CNPPD1: variants seen among roughly 807,000 people sequenced by gnomAD.
The protein encoded by CNPPD1 is protein CNPPD1.
A neutral mutation model predicts 43.7 loss-of-function variants in CNPPD1; 40 were observed. That is an observed-to-expected ratio of 0.92 (90% CI 0.71 to 1.19). CNPPD1 has a LOEUF of 1.19. CNPPD1 is among the 50% of genes most tolerant of loss of function. CNPPD1 has a pLI of 0.00. For synonymous variants in CNPPD1, 208 were observed against 214.3 expected (o/e 0.97, Z 0.26); for missense variants, 511 against 518.5 (o/e 0.99, Z 0.14).
rs1253843910 is a variant in CNPPD1 at position 219,176,862 on chromosome 2, G to T, written c.-34C>A. 21 of 1,539,354 alleles carry T rather than the reference G, an allele frequency of 1.4e-5. No homozygotes were observed. Among genetic ancestry groups the T allele is most frequent in the Non-Finnish European group, 1.8e-5 (21 of 1,136,590 alleles). On this transcript the variant is annotated 5_prime_UTR_variant, in exon 1 of 8. Coordinates refer to ENST00000360507, the MANE Select transcript of CNPPD1 (RefSeq NM_015680.6). ...CAGTCGCCGCCCTGCGAAGGTGAAC[G>T]GAAGGAAACGAGTTGTAGGGGGCTC...
Position 219,175,591 on chromosome 2 carries a change from C to A in CNPPD1, c.260G>T (p.Arg87Leu), listed in dbSNP as rs767979514. The part of the protein sequence containing the change: ...LQKKYVAHVS[R>L]EACISPCAMM... Reference sequence around the variant, plus strand: ...ATCCTATCCTCATTTCCAGGCTCACCGGGACACATGAGCTACATATTTCTT... The same window carrying A: ...ATCCTATCCTCATTTCCAGGCTCACAGGGACACATGAGCTACATATTTCTT... Residue 87 changes from arginine to leucine, a missense_variant and splice_region_variant, in exon 3 of 8, where the codon CGG becomes CTG. Physicochemically the swap from Arg to Leu is moderately radical, Grantham distance 102. Coordinates refer to ENST00000360507, the MANE Select transcript of CNPPD1 (RefSeq NM_015680.6). The A allele has an allele frequency of 2.5e-6, 4 of 1,612,978 alleles. No individual in the cohort carries two copies. The highest frequency in any genetic ancestry group is 3.4e-6 in the Non-Finnish European group (4 of 1,179,060).
At position 219,172,433 on chromosome 2, in the gene CNPPD1, A is replaced by C; in HGVS notation, c.*153T>G. 2.5e-6 allele frequency: 2 copies of C among 788,374 alleles called. No individual in the cohort carries two copies. The highest frequency in any genetic ancestry group is 4.2e-6 in the Non-Finnish European group (2 of 475,040). 48.8% of individuals were successfully genotyped at this position (788,374 alleles called of 1,614,324 possible). A position where few individuals can be genotyped will look rare whatever the true frequency, so the allele number is the denominator to read the frequency against. ...TGCGATCTAGGAGTGAATTACCTTCAGTCCTTCTGCCCCACCACCCCATAA... is the reference window on the plus strand; with the variant it reads ...TGCGATCTAGGAGTGAATTACCTTCCGTCCTTCTGCCCCACCACCCCATAA... On this transcript the variant is annotated 3_prime_UTR_variant, in exon 8 of 8. Coordinates refer to ENST00000360507, the MANE Select transcript of CNPPD1 (RefSeq NM_015680.6).
rs1049788378 is a variant in CNPPD1, at chr2:219,175,536, T to C, written c.260+55A>G. On this transcript the variant is annotated intron_variant, in intron 3 of 7. Transcript: ENST00000360507. ...AAGAAAGAAAAGAAAGAAAAGACGA[T>C]TCCCCTTTCTCTAGGGCCCAAACAC... The C allele has an allele frequency of 7.2e-6, 10 of 1,383,634 alleles. No individual in the cohort carries two copies. The East Asian group carries it at 1.8e-4, about 25-fold the overall frequency. 85.7% of individuals were successfully genotyped at this position (1,383,634 alleles called of 1,614,324 possible). A position where few individuals can be genotyped will look rare whatever the true frequency, so the allele number is the denominator to read the frequency against.
intron 1 of CNPPD1, 74 bp from the exon 2 acceptor site, chr2:219,176,405 A>G: frequency 8.5e-7 from 1 of 1,177,658 alleles, no homozygotes; most frequent in Non-Finnish European, 1.2e-6. Context: ...CTGGGCTGGA[A>G]GGCGGGGCAG....
chr2:219,176,367 A>C (rs1305916398), intron 1 of CNPPD1, 36 bp from the exon 2 acceptor site: 2 of 1,485,510 alleles, frequency 1.3e-6, no homozygotes, highest in East Asian at 2.3e-5. Context: ...GGTGAAGGGC[A>C]CGGAAAGGTA....
intron 7 of CNPPD1, 103 bp downstream of exon 7, chr2:219,173,247 T>C: frequency 7.0e-7 from 1 of 1,420,944 alleles, no homozygotes; most frequent in Non-Finnish European, 9.7e-7. Flanking sequence ...TCTGCCCATC[T>C]ATTCCCAACC....
Position 219,176,243 on chromosome 2 carries a change from T to G in CNPPD1, c.158A>C (p.Glu53Ala). Residue 53 changes from glutamate (E) to alanine (A), a missense_variant, in exon 2 of 8, where the codon GAG becomes GCG. Physicochemically the swap from Glu to Ala is moderately radical, Grantham distance 107. Transcript: ENST00000360507. ...WDWEADCSLE[E>A]LSSPVADIAV... ...CTAACCTGCCACCGGGCTGGAGAGC[T>G]CCTCCAGGCTACAGTCGGCTTCCCA... 1 of 1,613,400 alleles carries G rather than the reference T, an allele frequency of 6.2e-7. No homozygotes were observed. Among genetic ancestry groups the G allele is most frequent in the Non-Finnish European group, 8.5e-7 (1 of 1,179,394 alleles).
chr2:219,176,452 T>G, intron 1 of CNPPD1, 121 bp from the exon 2 acceptor site: 1 of 752,362 alleles, frequency 1.3e-6, no homozygotes, highest in East Asian at 2.7e-5. Context: ...GGCCCGTGCC[T>G]TACCCAGACC....
rs1291662276 is a variant in CNPPD1 at position 219,173,048 on chromosome 2, C to T, written c.771G>A (p.Leu257=). 2 of 1,612,140 alleles carry T rather than the reference C, an allele frequency of 1.2e-6. No individual in the cohort carries two copies. The highest frequency in any genetic ancestry group is 1.1e-5 in the South Asian group (1 of 91,080). ...VASVAVIHQS[L]GLSCIPTPGP... ...CAGGTGTAGGGATGCAGGACAGCCC[C>T]AAAGACTGATGTATTACGGCCACCG... The change falls in exon 8 of 8, where the codon TTG becomes TTA. Residue 257 remains leucine, a synonymous_variant. Transcript: ENST00000360507.
In CNPPD1 at chr2:219,174,834, C is replaced by G. The variant is rs1410166010; in HGVS notation, c.454G>C (p.Gly152Arg). Residue 152 changes from glycine (G) to arginine (R), a missense_variant, in exon 5 of 8, where the codon GGG (glycine) becomes CGG (arginine). Coordinates refer to ENST00000360507, the MANE Select transcript of CNPPD1 (RefSeq NM_015680.6). Reference sequence around the variant, plus strand: ...TTGAGAGTGGGCACGGCCACACCCCCAGCAGCTCCCCATTCGTCGTTGAAG... The same window carrying G: ...TTGAGAGTGGGCACGGCCACACCCCGAGCAGCTCCCCATTCGTCGTTGAAG... Reference protein sequence around the residue: ...EVFNDEWGAAGGVAVPTLNAL... With the variant: ...EVFNDEWGAARGVAVPTLNAL... The G allele has an allele frequency of 3.1e-6, 5 of 1,613,936 alleles. No homozygotes were observed. The highest frequency in any genetic ancestry group is 4.2e-6 in the Non-Finnish European group (5 of 1,179,938).
chr2:219,173,246 C>T, intron 7 of CNPPD1, 104 bp downstream of exon 7: 1 of 1,417,844 alleles, frequency 7.1e-7, no homozygotes, highest in Non-Finnish European at 9.7e-7. Flanking sequence ...CTCTGCCCAT[C>T]TATTCCCAAC....
upstream of CNPPD1, chr2:219,177,313 T>TCTGC (rs35842815): frequency 1.4e-4 from 1 of 7,126 alleles, no homozygotes; most frequent in Admixed American, 7.0e-3. Flanking sequence ...CCCAGGCGCC[T>TCTGC]CTGAGAAATG....
rs200413221 is a variant in CNPPD1, at chr2:219,172,252, AC to A, written c.*333del. 0.012 allele frequency: 4,619 copies of A among 369,718 alleles called. 113 individuals are homozygous for A. The highest frequency in any genetic ancestry group is 0.047 in the South Asian group (1,800 of 38,108). 22.9% of individuals were successfully genotyped at this position (369,718 alleles called of 1,614,324 possible). A position where few individuals can be genotyped will look rare whatever the true frequency, so the allele number is the denominator to read the frequency against. On this transcript the variant is annotated 3_prime_UTR_variant, in exon 8 of 8. Transcript: ENST00000360507. ...TCTCACCCCACTTCCCTTATCTCCC[AC>A]CTATACTCTTCCATCCTAGGGAAAT...
At chr2:219,177,789 C>T (rs537129409), upstream of CNPPD1, 1 of 152,320 alleles carries the variant, frequency 6.6e-6, no homozygotes, top group East Asian at 1.9e-4. Flanking sequence ...AGGAAAGAAA[C>T]AACTTTTCTG....
rs767246793 is a variant in CNPPD1, at chr2:219,172,692, G to A, written c.1127C>T (p.Pro376Leu). 2.5e-6 allele frequency: 4 copies of A among 1,613,896 alleles called. No individual in the cohort carries two copies. The African/African-American group carries it at 4.0e-5, about 16-fold the overall frequency. Residue 376 changes from proline (P) to leucine (L), a missense_variant, in exon 8 of 8, where the codon CCC becomes CTC. Coordinates refer to ENST00000360507, the MANE Select transcript of CNPPD1 (RefSeq NM_015680.6). Reference protein sequence around the residue: ...PWYHTYGLAPPWPWSPVLLSL... With the variant: ...PWYHTYGLAPLWPWSPVLLSL... Reference sequence around the variant, plus strand: ...AAGGAGCACCGGGCTCCAAGGCCAGGGGGGAGCCAGGCCATAGGTATGGTA... The same window carrying A: ...AAGGAGCACCGGGCTCCAAGGCCAGAGGGGAGCCAGGCCATAGGTATGGTA...
Position 219,176,787 on chromosome 2 carries a change from G to GA in CNPPD1, c.41dup (p.Ser15LeufsTer36). 6.3e-7 allele frequency: 1 copy of GA among 1,585,522 alleles called. No individual in the cohort carries two copies. The highest frequency in any genetic ancestry group is 8.6e-7 in the Non-Finnish European group (1 of 1,166,604). ...TGAAGTCCTGGAAGCCGGCGAGGGA[G>GA]AAGGTGCCTTCTTCGTCCAGCAGGA... On this transcript the variant is annotated frameshift_variant, in exon 1 of 8. Transcript: ENST00000360507. LOFTEE classifies it high-confidence loss of function.
chr2:219,173,540 C>G (rs944633525), intron 6 of CNPPD1, 73 bp from the exon 7 acceptor site: 12 of 1,262,432 alleles, frequency 9.5e-6, no homozygotes. Flanking sequence ...TCATACCACT[C>G]AGGACCCACC....
Position 219,174,806 on chromosome 2 carries a change from G to A in CNPPD1, c.482C>T (p.Ala161Val), listed in dbSNP as rs761670049. 2.9e-5 allele frequency: 46 copies of A among 1,611,122 alleles called. No homozygotes were observed. Among genetic ancestry groups the A allele is most frequent in the Non-Finnish European group, 3.7e-5 (44 of 1,178,164 alleles). Residue 161 changes from alanine (A) to valine (V), a missense_variant, in exon 5 of 8, where the codon GCC (alanine) becomes GTC (valine). Coordinates refer to ENST00000360507, the MANE Select transcript of CNPPD1 (RefSeq NM_015680.6). ...GGCACTCAGGAAGCCCCTCTCCAAG[G>A]CATTGAGAGTGGGCACGGCCACACC... ...AGGVAVPTLN[A>V]LERGFLSAMD...
intron 1 of CNPPD1, 92 bp from the exon 2 acceptor site, chr2:219,176,423 G>A: frequency 1.0e-6 from 1 of 989,092 alleles, no homozygotes; most frequent in Non-Finnish European, 1.6e-6. Context: ...CAGGGGACAG[G>A]CCGGCCTCGC....
Sources: allele counts gnomAD v4.1 joint callset, GRCh38; gene constraint gnomAD v4.1.1; transcripts MANE v1.5; gene names NCBI Gene and HGNC (gene_info 2026-07-23, HGNC 2026-07-21).